CDH13: variants seen among roughly 807,000 people sequenced by gnomAD.
CDH13 encodes the protein cadherin-13.
CDH13 carries 24 observed loss-of-function variants against 63.8 expected under a neutral mutation model. The observed-to-expected ratio is 0.38, with a 90% CI of 0.27 to 0.53. The LOEUF is 0.53. Ranked by LOEUF, CDH13 falls within the 20% of genes least tolerant of loss-of-function variation. The pLI, the probability that CDH13 is intolerant of heterozygous loss-of-function variation, is 0.85. For synonymous variants in CDH13, 503 were observed against 355.3 expected, an observed-to-expected ratio of 1.42 and a Z score of -4.67; for missense variants, 1,049 against 903.1, an observed-to-expected ratio of 1.16 and a Z score of -2.07.
At chr16:83,176,212 G>C (rs117656610) in intron 4 of CDH13, among the ~76,000 whole-genome samples, 2 of 150,048 alleles carry the variant, frequency 1.3e-5, no homozygotes, top group Admixed American at 1.3e-4. Flanking sequence ...CTTGTAAAAC[G>C]TTGTACTTAA....
At chr16:83,583,409 G>A (rs888607340) in intron 7 of CDH13, among the ~76,000 whole-genome samples, 1 of 152,198 alleles carries the variant, frequency 6.6e-6, no homozygotes, top group African/African-American at 2.4e-5. Flanking sequence ...ATCATTCTTA[G>A]TTCCTTTGAT....
intron 6 of CDH13, among the ~76,000 whole-genome samples, chr16:83,435,316 T>G (rs2072261269): frequency 6.6e-6 from 1 of 152,122 alleles, no homozygotes; most frequent in Non-Finnish European, 1.5e-5. Flanking sequence ...AGGGCTGGGA[T>G]TACAAGAGTG....
At chr16:83,645,692 A>G (rs1911726891) in intron 8 of CDH13, among the ~76,000 whole-genome samples, 1 of 151,914 alleles carries the variant, frequency 6.6e-6, no homozygotes, top group Non-Finnish European at 1.5e-5. Flanking sequence ...GCTGACTCCC[A>G]GAAAGGCCAC....
chr16:83,249,696 G>A (rs539727383), intron 5 of CDH13, among the ~76,000 whole-genome samples: 10 of 152,230 alleles, frequency 6.6e-5, no homozygotes, highest in Admixed American at 3.3e-4. Flanking sequence ...CCATATTAGG[G>A]ATATGTCTGT....
intron 9 of CDH13, among the ~76,000 whole-genome samples, chr16:83,673,658 C>T (rs1914708295): frequency 6.6e-6 from 1 of 152,192 alleles, no homozygotes. Flanking sequence ...TGTGCTGGTC[C>T]ACAATGCAGT....
At chr16:83,091,506 C>G (rs1242480143) in intron 3 of CDH13, among the ~76,000 whole-genome samples, 2 of 152,154 alleles carry the variant, frequency 1.3e-5, no homozygotes, top group African/African-American at 2.4e-5. Flanking sequence ...ATTTCAGTTC[C>G]TTACAACTGC....
At chr16:83,650,388 A>G (rs932120491) in intron 8 of CDH13, among the ~76,000 whole-genome samples, 1 of 152,158 alleles carries the variant, frequency 6.6e-6, no homozygotes, top group Non-Finnish European at 1.5e-5. Context: ...AAATGTTACT[A>G]TGCTCTTCCA....
chr16:83,730,604 A>G (rs930323647), intron 10 of CDH13, among the ~76,000 whole-genome samples: 11 of 152,316 alleles, frequency 7.2e-5, no homozygotes, highest in African/African-American at 2.4e-4. Context: ...TGAACTGGGT[A>G]CAAAGGATCA....
intron 7 of CDH13, among the ~76,000 whole-genome samples, chr16:83,501,060 T>G (rs2074273355): frequency 6.6e-6 from 1 of 152,246 alleles, no homozygotes; most frequent in African/African-American, 2.4e-5. Flanking sequence ...GCATTCTTAT[T>G]TCTTTAAGTA....
intron 1 of CDH13, among the ~76,000 whole-genome samples, chr16:82,788,594 G>A (rs1170382300): frequency 6.6e-6 from 1 of 152,168 alleles, no homozygotes; most frequent in Non-Finnish European, 1.5e-5. Context: ...CTCTAATCTT[G>A]GAGCTCAGGG....
chr16:82,797,958 A>G (rs1477837796), intron 1 of CDH13, among the ~76,000 whole-genome samples: 4 of 152,198 alleles, frequency 2.6e-5, no homozygotes, highest in Non-Finnish European at 4.4e-5. Flanking sequence ...TCATGTGTGT[A>G]GTGGTCTCTC....
intron 4 of CDH13, chr16:83,171,396 A>G: frequency 2.5e-6 from 2 of 791,922 alleles, no homozygotes; most frequent in Non-Finnish European, 2.1e-6. Context: ...CACCTCCAAC[A>G]TGGGGGATTA....
chr16:83,345,644 T>G (rs904118777), intron 6 of CDH13, among the ~76,000 whole-genome samples: 2 of 152,204 alleles, frequency 1.3e-5, no homozygotes, highest in African/African-American at 4.8e-5. Flanking sequence ...ATTTAGAGCT[T>G]CCTTTTTTGC....
chr16:83,741,807 ACGGACGGCCCCAACCCCTG>A (rs1912090390), intron 10 of CDH13, among the ~76,000 whole-genome samples: 1 of 144,678 alleles, frequency 6.9e-6, no homozygotes, highest in South Asian at 2.1e-4. Flanking sequence ...CCCCTGGGCC[ACGGACGGCCCCAACCCCTG>A]GGCCACAACA....
intron 7 of CDH13, among the ~76,000 whole-genome samples, chr16:83,573,508 G>A (rs1304519925): frequency 6.6e-6 from 1 of 152,180 alleles, no homozygotes; most frequent in Non-Finnish European, 1.5e-5. Flanking sequence ...TGTACCCATA[G>A]TAGACATCAC....
chr16:83,749,628 A>G (rs943699294), intron 11 of CDH13, among the ~76,000 whole-genome samples: 3 of 152,212 alleles, frequency 2.0e-5, no homozygotes, highest in South Asian at 2.1e-4. Context: ...AACTGACACG[A>G]TGAAATATCA....
chr16:83,677,319 G>GC (rs945719306), intron 9 of CDH13, among the ~76,000 whole-genome samples: 1 of 152,178 alleles, frequency 6.6e-6, no homozygotes, highest in African/African-American at 2.4e-5. Flanking sequence ...GATACTATCA[G>GC]CCCCCTTTGC....
At chr16:83,059,479 G>C (rs2031295851) in intron 3 of CDH13, among the ~76,000 whole-genome samples, 1 of 152,174 alleles carries the variant, frequency 6.6e-6, no homozygotes, top group Non-Finnish European at 1.5e-5. Context: ...GCTGAAATCA[G>C]AGGTGACTGC....
intron 5 of CDH13, among the ~76,000 whole-genome samples, chr16:83,229,242 T>G (rs566363712): frequency 4.1e-4 from 62 of 152,286 alleles, no homozygotes; most frequent in African/African-American, 1.4e-3. Context: ...AGAAATTAAT[T>G]CAAAAATGCA....
Sources: allele counts gnomAD v4.1 joint callset (sites outside exome capture counted in the v4.1 genomes callset), GRCh38; gene constraint gnomAD v4.1.1; transcripts MANE v1.5; gene names NCBI Gene and HGNC (gene_info 2026-07-23, HGNC 2026-07-21).